FAM3D: variants seen among roughly 807,000 people sequenced by gnomAD.
FAM3D encodes FAM3 metabolism regulating signaling molecule D.
FAM3D carries 26 observed loss-of-function variants against 29.8 expected under a neutral mutation model. The observed-to-expected ratio is 0.87, with a 90% CI of 0.64 to 1.21. FAM3D has a LOEUF of 1.21. Among genes scored for constraint, FAM3D ranks in the 50% most tolerant of loss-of-function variants. The pLI, the probability that FAM3D is intolerant of heterozygous loss-of-function variation, is 0.00. For missense variants in FAM3D, 253 were observed against 290.9 expected, an observed-to-expected ratio of 0.87 and a Z score of 0.95; for synonymous variants, 115 against 102.3, an observed-to-expected ratio of 1.12 and a Z score of -0.75.
intron 5 of FAM3D, 56 bp from the exon 6 acceptor site, chr3:58,643,776 C>T: frequency 6.5e-7 from 1 of 1,548,458 alleles, no homozygotes; most frequent in Non-Finnish European, 8.9e-7. Context: ...AATGAACACT[C>T]TGCTCTCCCA....
In FAM3D at chr3:58,653,841, C is replaced by T. The variant is rs890297316; in HGVS notation, c.14-60G>A. 86 of 1,302,164 alleles carry T rather than the reference C, an allele frequency of 6.6e-5. 1 individual carries two copies. The East Asian group carries it at 1.3e-3, about 20-fold the overall frequency. The allele number at this position is 1,302,164 out of a possible 1,614,324, so 80.7% of individuals were successfully genotyped here. A position where few individuals can be genotyped will look rare whatever the true frequency, so the allele number is the denominator to read the frequency against. On this transcript the variant is annotated intron_variant, in intron 2 of 9. Coordinates refer to ENST00000358781, the MANE Select transcript of FAM3D (RefSeq NM_138805.3). ...GAGCCAAGACCACATTGCAAGACCACGTGTGAGTTCTTCCCAAATCCCACA... is the reference window on the plus strand; with the variant it reads ...GAGCCAAGACCACATTGCAAGACCATGTGTGAGTTCTTCCCAAATCCCACA...
intron 4 of FAM3D, among the ~76,000 whole-genome samples, chr3:58,646,759 T>C (rs1051197025): frequency 6.6e-6 from 1 of 152,234 alleles, no homozygotes; most frequent in Non-Finnish European, 1.5e-5. Flanking sequence ...AAGACCTTGC[T>C]GCATGCAAGG....
intron 7 of FAM3D, 132 bp from the exon 8 acceptor site, chr3:58,637,357 A>G (rs2066204246): frequency 6.4e-6 from 5 of 779,162 alleles, no homozygotes; most frequent in African/African-American, 1.7e-5. Flanking sequence ...AGAAGCCAGG[A>G]GGAAGAGCAT....
At chr3:58,656,446 T>C (rs1381029385) in intron 1 of FAM3D, among the ~76,000 whole-genome samples, 1 of 152,098 alleles carries the variant, frequency 6.6e-6, no homozygotes, top group Non-Finnish European at 1.5e-5. Context: ...CAGAGGAGGG[T>C]TGAAACCAAA....
At chr3:58,659,654 G>A (rs1038454) in intron 1 of FAM3D, among the ~76,000 whole-genome samples, 147,594 of 152,320 alleles carry the variant, frequency 0.97, 71,691 homozygotes, top group East Asian at 1. Context: ...GGCTTTCTTC[G>A]TCCGCGGCCG....
chr3:58,657,758 C>CCAG (rs2066851481), intron 1 of FAM3D: 1 of 152,374 alleles, frequency 6.6e-6, no homozygotes, highest in Admixed American at 6.5e-5. Context: ...GAGCTGGGGC[C>CCAG]CAGGACTGGC....
At chr3:58,659,441 T>C (rs915731478) in intron 1 of FAM3D, among the ~76,000 whole-genome samples, 15 of 152,184 alleles carry the variant, frequency 9.9e-5, no homozygotes, top group African/African-American at 3.4e-4. Context: ...AGAGCCAAGA[T>C]GGACAGAGAA....
At chr3:58,657,902 G>C (rs1369037898) in intron 1 of FAM3D, 3 of 152,268 alleles carry the variant, frequency 2.0e-5, no homozygotes, top group Admixed American at 1.3e-4. Flanking sequence ...CTGTTATTCA[G>C]GTTACAAAGT....
chr3:58,652,739 C>G (rs547034136), intron 3 of FAM3D, among the ~76,000 whole-genome samples: 1 of 152,168 alleles, frequency 6.6e-6, no homozygotes, highest in Non-Finnish European at 1.5e-5. Flanking sequence ...TCGCCCATCT[C>G]TCCATTTGCC....
chr3:58,651,458 A>G (rs915169079), intron 3 of FAM3D, among the ~76,000 whole-genome samples: 1 of 152,208 alleles, frequency 6.6e-6, no homozygotes, highest in African/African-American at 2.4e-5. Flanking sequence ...GAGACTCTGC[A>G]TCATGTTAAT....
chr3:58,663,772 T>A (rs899629654), intron 1 of FAM3D, among the ~76,000 whole-genome samples: 1 of 152,190 alleles, frequency 6.6e-6, no homozygotes, highest in Non-Finnish European at 1.5e-5. Flanking sequence ...GAACCAGTTG[T>A]ACCTGCAGAA....
chr3:58,641,191 T>C (rs1051130955), intron 6 of FAM3D, among the ~76,000 whole-genome samples: 3 of 152,182 alleles, frequency 2.0e-5, no homozygotes, highest in African/African-American at 7.2e-5. Context: ...TTGTTGGGCT[T>C]CCCCACATCT....
rs956680478 is a variant in FAM3D at position 58,635,455 on chromosome 3, T to C, written c.585+839A>G. Among the ~76,000 whole-genome samples, 2 of 152,180 alleles carry C rather than the reference T, an allele frequency of 1.3e-5. No homozygotes were observed. The highest frequency in any genetic ancestry group is 2.9e-5 in the Non-Finnish European group (2 of 68,032). The stretch of plus-strand genomic sequence containing the variant: ...TCGGTCCCGGCCAGCTGGTTGCAGA[T>C]GGATGAAGATGATGCTGGGCTTCCT... On this transcript the variant is annotated intron_variant, in intron 9 of 9. Coordinates refer to ENST00000358781, the MANE Select transcript of FAM3D (RefSeq NM_138805.3). The surrounding 1 kb of genome is among the most constrained non-coding windows in gnomAD (Gnocchi z 5.2).
intron 1 of FAM3D, among the ~76,000 whole-genome samples, chr3:58,664,872 C>T (rs746533183): frequency 1.8e-4 from 28 of 152,170 alleles, no homozygotes; most frequent in African/African-American, 6.3e-4. Context: ...GGCTGCCAGT[C>T]CCCCAGGCAG....
intron 1 of FAM3D, among the ~76,000 whole-genome samples, chr3:58,656,778 C>T (rs2066814497): frequency 1.3e-5 from 2 of 152,250 alleles, no homozygotes; most frequent in Non-Finnish European, 2.9e-5. Context: ...AGACCTGAGA[C>T]AGGAGACTGG....
chr3:58,634,461 G>A lies in FAM3D; in HGVS notation c.586-93C>T, dbSNP rs999727031. On this transcript the variant is annotated intron_variant, in intron 9 of 9. Transcript: ENST00000358781. The surrounding 1 kb of genome is among the most constrained non-coding windows in gnomAD (Gnocchi z 4.6). ...ACACTGTGCTCTAAACCTAAATGGG[G>A]GTGTGGGATGTTATTAACCCACTTC... 8.9e-7 allele frequency: 1 copy of A among 1,122,420 alleles called. No homozygotes were observed. Among genetic ancestry groups the A allele is most frequent in the Admixed American group, 2.0e-5 (1 of 49,904 alleles). The allele number at this position is 1,122,420 out of a possible 1,614,324, so 69.5% of individuals were successfully genotyped here.
At position 58,634,226 on chromosome 3, in the gene FAM3D, A is replaced by C. The variant is rs1273239810; in HGVS notation, c.*53T>G. On this transcript the variant is annotated 3_prime_UTR_variant, in exon 10 of 10. Transcript: ENST00000358781. The surrounding 1 kb of genome is among the most constrained non-coding windows in gnomAD (Gnocchi z 4.6). The stretch of plus-strand genomic sequence containing the variant: ...CAGCCCCTGCCGGGCTCTGACTCCT[A>C]AGTCAGGCAGGAGCTTCTTCAGGCC... 1.3e-6 allele frequency: 2 copies of C among 1,556,516 alleles called. No homozygotes were observed. The highest frequency in any genetic ancestry group is 3.4e-5 in the Admixed American group (2 of 58,380).
rs2066091246 is a variant in FAM3D, at chr3:58,634,113, G to C, written c.*166C>G. Reference sequence around the variant, plus strand: ...GTCTTCCGGGTAGGATGTGCTGTGGGAGGGTTCTGTTTCCGAGGAGGAGAG... The same window carrying C: ...GTCTTCCGGGTAGGATGTGCTGTGGCAGGGTTCTGTTTCCGAGGAGGAGAG... On this transcript the variant is annotated 3_prime_UTR_variant, in exon 10 of 10. Transcript: ENST00000358781. This position sits in a 1 kb window ranked among gnomAD's most constrained non-coding sequence, Gnocchi z 4.6. 3 of 598,066 alleles carry C rather than the reference G, an allele frequency of 5.0e-6. No individual in the cohort carries two copies. The highest frequency in any genetic ancestry group is 8.8e-6 in the Non-Finnish European group (3 of 340,980). 37.0% of individuals were successfully genotyped at this position (598,066 alleles called of 1,614,324 possible). A position where few individuals can be genotyped will look rare whatever the true frequency, so the allele number is the denominator to read the frequency against.
rs550652798 is a variant in FAM3D, at chr3:58,639,849, C to G, written c.373+278G>C. 2.6e-5 allele frequency among the ~76,000 whole-genome samples: 4 copies of G among 152,334 alleles called. No individual in the cohort carries two copies. The South Asian group carries it at 6.2e-4, about 24-fold the overall frequency. On this transcript the variant is annotated intron_variant, in intron 7 of 9. Coordinates refer to ENST00000358781, the MANE Select transcript of FAM3D (RefSeq NM_138805.3). ...CCCTGGGCTGAGGACAGGGTTCCAGCTGCCCATCTGACGTTTCCTGAGCTC... is the reference window on the plus strand; with the variant it reads ...CCCTGGGCTGAGGACAGGGTTCCAGGTGCCCATCTGACGTTTCCTGAGCTC...
Sources: allele counts gnomAD v4.1 joint callset (sites outside exome capture counted in the v4.1 genomes callset), GRCh38; gene constraint gnomAD v4.1.1; non-coding constraint Gnocchi (gnomAD v3.1); transcripts MANE v1.5; gene names NCBI Gene and HGNC (gene_info 2026-07-23, HGNC 2026-07-21).